ASIC2: variants seen among roughly 807,000 people sequenced by gnomAD.
ASIC2 encodes acid-sensing ion channel 2.
In ASIC2, 25 loss-of-function variants were observed where a neutral mutation model predicts 57.3. The ratio of observed to expected loss-of-function variants is 0.44; its 90% CI spans 0.32 to 0.61. The LOEUF (loss-of-function observed/expected upper bound fraction) is 0.61, where lower values mean the gene tolerates loss of function less well. ASIC2 is among the 20% of genes least tolerant of loss of function. The pLI, the probability that ASIC2 is intolerant of heterozygous loss-of-function variation, is 0.06. For missense variants in ASIC2, 641 were observed against 738.1 expected (o/e 0.87, Z 1.52); for synonymous variants, 319 against 307.5 (o/e 1.04, Z -0.39).
chr17:33,158,498 G>C (rs565147918), intron 1 of ASIC2, among the ~76,000 whole-genome samples: 6 of 152,202 alleles, frequency 3.9e-5, no homozygotes, highest in Non-Finnish European at 7.3e-5. Flanking sequence ...TCTGTGGATC[G>C]CTGTGAATGC....
intron 1 of ASIC2, among the ~76,000 whole-genome samples, chr17:33,563,011 G>A (rs1424702527): frequency 6.6e-6 from 1 of 152,162 alleles, no homozygotes; most frequent in Non-Finnish European, 1.5e-5. Context: ...TAGGCTAGTG[G>A]GCTCTAGGAG....
At chr17:33,746,335 T>G (rs1910259310) in intron 1 of ASIC2, among the ~76,000 whole-genome samples, 1 of 149,434 alleles carries the variant, frequency 6.7e-6, no homozygotes. Context: ...CATATATGTA[T>G]ATATACATAC....
chr17:34,110,807 G>A (rs1311295723), intron 1 of ASIC2, among the ~76,000 whole-genome samples: 1 of 152,144 alleles, frequency 6.6e-6, no homozygotes, highest in Non-Finnish European at 1.5e-5. Flanking sequence ...AAGCCTTGCT[G>A]GCCCTAATCA....
intron 1 of ASIC2, among the ~76,000 whole-genome samples, chr17:33,419,863 A>T (rs1910984515): frequency 6.6e-6 from 1 of 152,142 alleles, no homozygotes; most frequent in Non-Finnish European, 1.5e-5. Flanking sequence ...TTTGAGACAT[A>T]TTAAGGAAAA....
At chr17:33,888,414 T>C (rs1914881206) in intron 1 of ASIC2, among the ~76,000 whole-genome samples, 1 of 152,216 alleles carries the variant, frequency 6.6e-6, no homozygotes, top group African/African-American at 2.4e-5. Flanking sequence ...CAGGACTTCT[T>C]CTGCTTAAGT....
At chr17:33,477,674 A>G (rs1913273936) in intron 1 of ASIC2, among the ~76,000 whole-genome samples, 1 of 152,106 alleles carries the variant, frequency 6.6e-6, no homozygotes, top group Admixed American at 6.5e-5. Context: ...GAACATGACC[A>G]CGTCCCTGCC....
At chr17:33,743,932 G>T (rs1325029057) in intron 1 of ASIC2, among the ~76,000 whole-genome samples, 1 of 152,164 alleles carries the variant, frequency 6.6e-6, no homozygotes, top group Non-Finnish European at 1.5e-5. Flanking sequence ...AAATTACTCT[G>T]ACTCCAGATC....
At chr17:33,126,610 T>A (rs1478522483) in intron 1 of ASIC2, among the ~76,000 whole-genome samples, 2 of 151,992 alleles carry the variant, frequency 1.3e-5, no homozygotes, top group Non-Finnish European at 2.9e-5. Flanking sequence ...GATGGCGAGA[T>A]CCCATCTCCA....
chr17:33,220,047 A>G (rs1354577945), intron 1 of ASIC2, among the ~76,000 whole-genome samples: 1 of 152,064 alleles, frequency 6.6e-6, no homozygotes, highest in African/African-American at 2.4e-5. Context: ...AAGGAACACC[A>G]TTTTCTTGAC....
chr17:33,127,553 A>AC (rs1280663059), intron 1 of ASIC2, among the ~76,000 whole-genome samples: 1 of 152,098 alleles, frequency 6.6e-6, no homozygotes, highest in Non-Finnish European at 1.5e-5. Context: ...TCTTTGCTCT[A>AC]CCCCCAAATT....
chr17:33,809,405 A>G (rs1318858809), intron 1 of ASIC2, among the ~76,000 whole-genome samples: 1 of 152,226 alleles, frequency 6.6e-6, no homozygotes, highest in African/African-American at 2.4e-5. Context: ...TAGGCATTTC[A>G]TGCACACACC....
At chr17:34,140,425 G>A (rs1912241878) in intron 1 of ASIC2, among the ~76,000 whole-genome samples, 1 of 152,118 alleles carries the variant, frequency 6.6e-6, no homozygotes, top group Non-Finnish European at 1.5e-5. Context: ...CACTGAGAAG[G>A]TCTGGAAGCA....
chr17:33,079,551 A>AG, intron 3 of ASIC2, among the ~76,000 whole-genome samples: 1 of 152,012 alleles, frequency 6.6e-6, no homozygotes, highest in Non-Finnish European at 1.5e-5. Context: ...GTGGTTCATG[A>AG]GGGAGGGAGA....
intron 1 of ASIC2, among the ~76,000 whole-genome samples, chr17:33,751,087 C>A (rs1258271431): frequency 1.3e-5 from 2 of 152,114 alleles, no homozygotes; most frequent in East Asian, 3.9e-4. Context: ...GGAAGCCACC[C>A]AGGGTAGGGA....
chr17:33,906,247 C>T (rs1395373306), intron 1 of ASIC2, among the ~76,000 whole-genome samples: 1 of 152,172 alleles, frequency 6.6e-6, no homozygotes, highest in African/African-American at 2.4e-5. Context: ...GTCAGAATGA[C>T]ACCCTTCTTG....
chr17:33,055,314 C>G (rs987622554), intron 3 of ASIC2, among the ~76,000 whole-genome samples: 1 of 152,182 alleles, frequency 6.6e-6, no homozygotes, highest in African/African-American at 2.4e-5. Flanking sequence ...TCCAGGGAAG[C>G]CCTTCACCTC....
At chr17:33,306,351 G>A (rs1429284351) in intron 1 of ASIC2, among the ~76,000 whole-genome samples, 1 of 152,076 alleles carries the variant, frequency 6.6e-6, no homozygotes, top group Admixed American at 6.5e-5. Flanking sequence ...TTTCCCCCTA[G>A]CCTGTTTTTT....
chr17:34,095,611 A>ATATATATATATATATATATAATTT (rs1567818800), intron 1 of ASIC2, among the ~76,000 whole-genome samples: 1 of 87,524 alleles, frequency 1.1e-5, no homozygotes, highest in African/African-American at 7.5e-5. Flanking sequence ...CAAATTTTAT[A>ATATATATATATATATATATAATTT]TATATATATA....
chr17:33,996,253 C>A (rs76250405), intron 1 of ASIC2, among the ~76,000 whole-genome samples: 2 of 152,000 alleles, frequency 1.3e-5, no homozygotes, highest in African/African-American at 4.8e-5. Context: ...GGATATTAAC[C>A]CCTTATCAGA....
Sources: allele counts gnomAD v4.1 joint callset (sites outside exome capture counted in the v4.1 genomes callset), GRCh38; gene constraint gnomAD v4.1.1; transcripts MANE v1.5; gene names NCBI Gene and HGNC (gene_info 2026-07-23, HGNC 2026-07-21).